The following GLI3 variants were observed in gnomAD, a reference collection of about 807,000 sequenced individuals.
The protein encoded by GLI3 is transcription activator GLI3.
Under a neutral mutation model 100.8 loss-of-function variants are expected in GLI3, and 20 were observed. The observed-to-expected ratio is 0.20, with a 90% CI of 0.14 to 0.29. The LOEUF is 0.29. Ranked by LOEUF, GLI3 falls within the 10% of genes least tolerant of loss-of-function variation. GLI3 has a pLI of 1.00. For missense variants in GLI3, 2,040 were observed against 2,128.5 expected, an observed-to-expected ratio of 0.96 and a Z score of 0.82; for synonymous variants, 938 against 860.5, an observed-to-expected ratio of 1.09 and a Z score of -1.58.
intron 1 of GLI3, among the ~76,000 whole-genome samples, chr7:42,262,209 T>TTCCTTCCTTCCTTTCTTCCTTCC (rs1186292634): frequency 1.3e-4 from 14 of 110,840 alleles, no homozygotes; most frequent in Admixed American, 1.9e-4. Flanking sequence ...TCCTTCCTTC[T>TTCCTTCCTTCCTTTCTTCCTTCC]TTCCTTCCTT....
intron 2 of GLI3, among the ~76,000 whole-genome samples, chr7:42,173,892 G>A (rs959581349): frequency 6.6e-5 from 10 of 152,274 alleles, no homozygotes; most frequent in Non-Finnish European, 1.3e-4. Flanking sequence ...CTGGGCACAA[G>A]CTTGACCACT....
chr7:42,169,868 C>T (rs550605724), intron 2 of GLI3, among the ~76,000 whole-genome samples: 2 of 151,870 alleles, frequency 1.3e-5, no homozygotes, highest in Non-Finnish European at 2.9e-5. Context: ...ATTTCAATTA[C>T]TTCTTATATT....
intron 4 of GLI3, among the ~76,000 whole-genome samples, chr7:42,058,647 T>C (rs1784508717): frequency 6.6e-6 from 1 of 152,186 alleles, no homozygotes; most frequent in African/African-American, 2.4e-5. Flanking sequence ...GTATTAACTT[T>C]GGAGGGGGCA....
chr7:42,259,895 C>T (rs765745067), intron 1 of GLI3, among the ~76,000 whole-genome samples: 2 of 152,196 alleles, frequency 1.3e-5, no homozygotes. Context: ...ATCTTCTACT[C>T]ATTGCATTGT....
rs146577016 is a variant in GLI3 at position 42,115,828 on chromosome 7, T to C, written c.367+32398A>G. The stretch of plus-strand genomic sequence containing the variant: ...CTCTGAGAGTGGGAAGGAGTTGGCA[T>C]AGAGATTTTTATTTTCATAGCACAT... On this transcript the variant is annotated intron_variant, in intron 3 of 14. Transcript: ENST00000395925. 1.1e-4 allele frequency among the ~76,000 whole-genome samples: 17 copies of C among 152,288 alleles called. No individual in the cohort carries two copies. In the East Asian group the frequency reaches 2.3e-3, roughly 21 times the overall value.
chr7:42,152,443 G>C (rs1481502346), intron 2 of GLI3: 2 of 984,768 alleles, frequency 2.0e-6, no homozygotes. Flanking sequence ...GAACATTCTC[G>C]GTATCTCTCT....
At chr7:42,130,282 T>C (rs964600195) in intron 3 of GLI3, among the ~76,000 whole-genome samples, 1 of 152,066 alleles carries the variant, frequency 6.6e-6, no homozygotes, top group African/African-American at 2.4e-5. Flanking sequence ...CAGAACAACA[T>C]TAGGCCAGCT....
Position 42,028,335 on chromosome 7 carries a change from G to A in GLI3, c.1029-1923C>T, listed in dbSNP as rs767387023. ...GAAGGTCATTTATACTTCTAATTCT[G>A]GGAGACACGACATTTGGGGGCTTAA... On this transcript the variant is annotated intron_variant, in intron 7 of 14. Coordinates refer to ENST00000395925, the MANE Select transcript of GLI3 (RefSeq NM_000168.6). Among the ~76,000 whole-genome samples the A allele has an allele frequency of 2.2e-4, 34 of 152,100 alleles. 1 individual carries two copies. The highest frequency in any genetic ancestry group is 3.8e-4 in the Non-Finnish European group (26 of 68,032).
chr7:42,172,208 A>T (rs888067760), intron 2 of GLI3, among the ~76,000 whole-genome samples: 3 of 151,006 alleles, frequency 2.0e-5, no homozygotes, highest in African/African-American at 2.4e-5. Flanking sequence ...GAGAAGTTTT[A>T]AAAAAAAATC....
rs1219427806 is a variant in GLI3 at position 42,160,635 on chromosome 7, A to G, written c.125-12167T>C. ...CAGATTTTCAGATCAGGGATGCCCAACCTATACTGCTAGAAATGTCTAATG... is the reference window on the plus strand; with the variant it reads ...CAGATTTTCAGATCAGGGATGCCCAGCCTATACTGCTAGAAATGTCTAATG... On this transcript the variant is annotated intron_variant, in intron 2 of 14. Coordinates refer to ENST00000395925, the MANE Select transcript of GLI3 (RefSeq NM_000168.6). Among the ~76,000 whole-genome samples, 2 of 152,150 alleles carry G rather than the reference A, an allele frequency of 1.3e-5. 1 individual carries two copies. Among genetic ancestry groups the G allele is most frequent in the East Asian group, 3.9e-4 (2 of 5,186 alleles).
chr7:42,248,515 A>C (rs1226853313), intron 1 of GLI3, among the ~76,000 whole-genome samples: 1 of 152,186 alleles, frequency 6.6e-6, no homozygotes, highest in East Asian at 1.9e-4. Flanking sequence ...TTTAAATCAA[A>C]GACGATTAAG....
In GLI3 at chr7:42,031,731, G is replaced by A. The variant is rs1166199282; in HGVS notation, c.1029-5319C>T. On this transcript the variant is annotated intron_variant, in intron 7 of 14. Coordinates refer to ENST00000395925, the MANE Select transcript of GLI3 (RefSeq NM_000168.6). The stretch of plus-strand genomic sequence containing the variant: ...AACCAGAGCAGGTGTATGGTCACTG[G>A]ATTGTTAGTTTGAAAGGGCATTCCA... Among the ~76,000 whole-genome samples, 3 of 152,210 alleles carry A rather than the reference G, an allele frequency of 2.0e-5. No individual in the cohort carries two copies. In the South Asian group the frequency reaches 6.2e-4, roughly 31 times the overall value.
At chr7:42,007,221 T>TCA (rs1788482484) in intron 10 of GLI3, among the ~76,000 whole-genome samples, 2 of 25,230 alleles carry the variant, frequency 7.9e-5, no homozygotes, top group Non-Finnish European at 1.6e-4. Context: ...AGGAGGAAAT[T>TCA]TAAAAAAAAA....
In GLI3 at chr7:42,026,401, C is replaced by T. The variant is rs745496352; in HGVS notation, c.1040G>A (p.Ser347Asn). The change falls in exon 8 of 15, where the codon AGC (serine) becomes AAC (asparagine). Residue 347 changes from serine (S) to asparagine (N), a missense_variant. By Grantham distance (46) the Ser-to-Asn change is conservative. This residue lies in a region of GLI3 where 603 missense variants were observed against 690.9 expected (regional missense o/e 0.87). Transcript: ENST00000395925. ...LSASAISPAL[S>N]FTYSSAPVSL... is the part of the protein sequence containing the mutation. ...GACGGGCGCGGAAGAGTAGGTGAAGCTCAAGGCAGGGCTGCACGGGGGAGA... is the reference window on the plus strand; with the variant it reads ...GACGGGCGCGGAAGAGTAGGTGAAGTTCAAGGCAGGGCTGCACGGGGGAGA... 6.2e-7 allele frequency: 1 copy of T among 1,614,048 alleles called. No homozygotes were observed.
intron 9 of GLI3, among the ~76,000 whole-genome samples, chr7:42,024,715 C>T (rs1789054833): frequency 6.6e-6 from 1 of 152,254 alleles, no homozygotes. Context: ...TGAAATCCTA[C>T]ACTCTTCCTT....
intron 10 of GLI3, among the ~76,000 whole-genome samples, chr7:42,016,145 T>C (rs699489): frequency 0.98 from 149,149 of 152,266 alleles, 73,052 homozygotes; most frequent in East Asian, 0.99. Flanking sequence ...TGATCTGCCC[T>C]TATGTGCTAC....
chr7:42,054,793 G>A (rs575799104), intron 4 of GLI3, among the ~76,000 whole-genome samples: 3 of 152,002 alleles, frequency 2.0e-5, no homozygotes, highest in Admixed American at 2.0e-4. Context: ...AGATCAATCT[G>A]AGCAACATGG....
intron 5 of GLI3, among the ~76,000 whole-genome samples, 160 bp from the exon 6 acceptor site, chr7:42,045,690 T>C (rs967831285): frequency 3.3e-5 from 5 of 152,136 alleles, no homozygotes; most frequent in Admixed American, 1.3e-4. Flanking sequence ...CTTACTTCCA[T>C]GAAACATCTT....
chr7:42,199,329 C>T (rs1048341975), intron 2 of GLI3, among the ~76,000 whole-genome samples: 1 of 152,182 alleles, frequency 6.6e-6, no homozygotes, highest in Non-Finnish European at 1.5e-5. Flanking sequence ...AAATAACAGG[C>T]ATCAGGCAAG....
Sources: allele counts gnomAD v4.1 joint callset (sites outside exome capture counted in the v4.1 genomes callset), GRCh38; gene constraint gnomAD v4.1.1; regional missense constraint gnomAD v4.1.1; transcripts MANE v1.5; gene names NCBI Gene and HGNC (gene_info 2026-07-23, HGNC 2026-07-21).